Variants in LUZP2 observed in about 807,000 individuals in gnomAD.
The protein encoded by LUZP2 is leucine zipper protein 2.
Under a neutral mutation model 51.6 loss-of-function variants are expected in LUZP2, and 52 were observed. The observed-to-expected ratio is 1.01, with a 90% confidence interval of 0.81 to 1.27. LUZP2 has a LOEUF of 1.27. LUZP2 is among the 50% of genes most tolerant of loss of function. LUZP2 has a pLI of 0.00. For missense variants in LUZP2, 436 were observed against 395.4 expected, an observed-to-expected ratio of 1.10 and a Z score of -0.87; for synonymous variants, 154 against 137.3, an observed-to-expected ratio of 1.12 and a Z score of -0.85.
chr11:25,062,070 AAG>A (rs1469620752), intron 10 of LUZP2, among the ~76,000 whole-genome samples: 7 of 151,570 alleles, frequency 4.6e-5, no homozygotes, highest in African/African-American at 1.7e-4. Flanking sequence ...AAAAGGGAAA[AAG>A]AAGAAAGGAA....
At chr11:25,067,202 A>G (rs139378802) in intron 10 of LUZP2, among the ~76,000 whole-genome samples, 1 of 152,024 alleles carries the variant, frequency 6.6e-6, no homozygotes, top group Admixed American at 6.6e-5. Context: ...GTGTTTGTTC[A>G]TATCCTTTGG....
chr11:24,540,413 TAAG>T (rs1371045834), intron 1 of LUZP2, among the ~76,000 whole-genome samples: 1 of 152,066 alleles, frequency 6.6e-6, no homozygotes, highest in Non-Finnish European at 1.5e-5. Flanking sequence ...AATAACCTAA[TAAG>T]AATAGACTTT....
intron 1 of LUZP2, among the ~76,000 whole-genome samples, chr11:24,679,122 T>A (rs1856655497): frequency 1.3e-5 from 2 of 152,218 alleles, no homozygotes; most frequent in Admixed American, 1.3e-4. Context: ...TAGAAAGAAT[T>A]CAGGTAGTTC....
intron 1 of LUZP2, among the ~76,000 whole-genome samples, chr11:24,538,703 C>T (rs1851261973): frequency 6.6e-6 from 1 of 150,908 alleles, no homozygotes; most frequent in Non-Finnish European, 1.5e-5. Context: ...AAAAATAAGT[C>T]CATTTCTGAT....
intron 5 of LUZP2, among the ~76,000 whole-genome samples, chr11:24,790,767 G>C (rs1849383553): frequency 6.6e-6 from 1 of 152,182 alleles, no homozygotes; most frequent in South Asian, 2.1e-4. Flanking sequence ...CTTCCAAAAT[G>C]CTGGGATTAC....
chr11:24,711,474 TAAATAAATA>T (rs1312595080), intron 1 of LUZP2, among the ~76,000 whole-genome samples: 1 of 150,898 alleles, frequency 6.6e-6, no homozygotes, highest in Non-Finnish European at 1.5e-5. Context: ...AATAAATAAA[TAAATAAATA>T]AATAAATAAA....
At chr11:24,824,061 T>TA (rs925481664) in intron 5 of LUZP2, among the ~76,000 whole-genome samples, 4 of 143,622 alleles carry the variant, frequency 2.8e-5, no homozygotes, top group African/African-American at 1.0e-4. Flanking sequence ...AGACACTGTC[T>TA]AAAAAAAAAG....
In LUZP2 at chr11:25,079,500, C is replaced by G. The variant is rs1240755388; in HGVS notation, c.*842C>G. ...GTAATATATATCACAAAACAGGGGT[C>G]TGATGAAAGTACAATAGCCATGTTG... On this transcript the variant is annotated 3_prime_UTR_variant, in exon 12 of 12. Transcript: ENST00000336930. 3 of 152,022 alleles carry G rather than the reference C, an allele frequency of 2.0e-5. No homozygotes were observed. The highest frequency in any genetic ancestry group is 1.3e-4 in the Admixed American group (2 of 15,274). 9.4% of individuals were successfully genotyped at this position (152,022 alleles called of 1,614,324 possible).
At chr11:24,681,143 A>G (rs10834429) in intron 1 of LUZP2, among the ~76,000 whole-genome samples, 28,353 of 151,078 alleles carry the variant, frequency 0.19, 2,716 homozygotes, top group East Asian at 0.32. Context: ...CACCGCGCCC[A>G]GCTAATTTTT....
intron 1 of LUZP2, among the ~76,000 whole-genome samples, chr11:24,579,780 A>T (rs976844492): frequency 6.6e-6 from 1 of 152,108 alleles, no homozygotes; most frequent in Admixed American, 6.6e-5. Context: ...AACCTTAAAA[A>T]ATTATCAAAT....
intron 4 of LUZP2, among the ~76,000 whole-genome samples, chr11:24,739,511 T>A (rs1017570633): frequency 6.6e-6 from 1 of 151,994 alleles, no homozygotes; most frequent in Non-Finnish European, 1.5e-5. Flanking sequence ...AAGCATATGA[T>A]TGGGTTGTTC....
intron 5 of LUZP2, among the ~76,000 whole-genome samples, chr11:24,790,547 C>A (rs1420221676): frequency 2.0e-5 from 3 of 151,910 alleles, no homozygotes; most frequent in Non-Finnish European, 4.4e-5. Context: ...TGTCATCCAG[C>A]CTGTAGTGCA....
intron 1 of LUZP2, among the ~76,000 whole-genome samples, chr11:24,680,349 T>C (rs1317024000): frequency 6.6e-6 from 1 of 152,184 alleles, no homozygotes; most frequent in Admixed American, 6.5e-5. Flanking sequence ...GGGTTTTACA[T>C]TTTTATAAAA....
At chr11:25,042,721 C>G (rs1425868800) in intron 9 of LUZP2, among the ~76,000 whole-genome samples, 1 of 152,112 alleles carries the variant, frequency 6.6e-6, no homozygotes, top group Non-Finnish European at 1.5e-5. Context: ...TGGTAGTTGT[C>G]TGGGGATACC....
chr11:24,684,644 C>T (rs932071864), intron 1 of LUZP2, among the ~76,000 whole-genome samples: 2 of 152,188 alleles, frequency 1.3e-5, no homozygotes, highest in African/African-American at 4.8e-5. Flanking sequence ...GAAAAGTATC[C>T]TGGTTTTCTT....
chr11:24,962,846 TAG>T (rs1390663861), intron 7 of LUZP2, among the ~76,000 whole-genome samples: 1 of 152,248 alleles, frequency 6.6e-6, no homozygotes, highest in Non-Finnish European at 1.5e-5. Flanking sequence ...CTCTGCTTTT[TAG>T]AGTTTCCAGT....
rs78613396 is a variant in LUZP2 at position 24,846,138 on chromosome 11, A to G, written c.397-59853A>G. 4.8e-3 allele frequency among the ~76,000 whole-genome samples: 730 copies of G among 152,060 alleles called. 5 individuals are homozygous for G. The highest frequency in any genetic ancestry group is 0.017 in the African/African-American group (694 of 41,512). On this transcript the variant is annotated intron_variant, in intron 5 of 11. Coordinates refer to ENST00000336930, the MANE Select transcript of LUZP2 (RefSeq NM_001009909.4). ...GAGAAACATGAATTCAAGGATACAA[A>G]AGAAAAAAAAAACACTATAATTTTG...
intron 1 of LUZP2, among the ~76,000 whole-genome samples, chr11:24,545,611 T>C (rs1018878720): frequency 6.6e-6 from 1 of 150,508 alleles, no homozygotes; most frequent in African/African-American, 2.4e-5. Flanking sequence ...TGCAGTCTTA[T>C]TTCTGGGTTC....
chr11:24,954,946 T>C (rs2133868871), intron 7 of LUZP2, among the ~76,000 whole-genome samples: 2 of 152,042 alleles, frequency 1.3e-5, no homozygotes, highest in African/African-American at 4.8e-5. Flanking sequence ...ACCAAATAAT[T>C]TTCCACAACT....
Sources: gnomAD v4.1 joint callset for allele counts (sites outside exome capture counted in the v4.1 genomes callset) on GRCh38, gnomAD v4.1.1 for gene constraint, MANE v1.5 for transcripts, NCBI Gene and HGNC (gene_info 2026-07-23, HGNC 2026-07-21) for gene names.